The following MTCL3 variants were observed in gnomAD, a reference collection of about 807,000 sequenced individuals.
MTCL3 encodes the protein microtubule cross-linking factor 3.
the MTCL3 span, among the ~76,000 whole-genome samples, chr6:127,477,149 A>C: frequency 6.6e-6 from 1 of 152,344 alleles, no homozygotes; most frequent in South Asian, 2.1e-4. Context: ...AAGTCAGCAA[A>C]GTTTGACATT....
chr6:127,513,136 C>A, the MTCL3 span: 1 of 1,234,230 alleles, frequency 8.1e-7, no homozygotes, highest in Non-Finnish European at 1.1e-6. Context: ...AGCATTAAAA[C>A]CCAATATTTA....
At chr6:127,478,645 C>T in the MTCL3 span, among the ~76,000 whole-genome samples, 1 of 152,004 alleles carries the variant, frequency 6.6e-6, no homozygotes, top group Non-Finnish European at 1.5e-5. Flanking sequence ...GAAGTGAGGA[C>T]GTGTGGATGA....
At chr6:127,474,813 A>T in the MTCL3 span, among the ~76,000 whole-genome samples, 3 of 152,128 alleles carry the variant, frequency 2.0e-5, no homozygotes, top group Admixed American at 6.6e-5. Context: ...TCCTGAGCTC[A>T]AGCAATCCAC....
chr6:127,477,395 T>C, the MTCL3 span, among the ~76,000 whole-genome samples: 1 of 152,242 alleles, frequency 6.6e-6, no homozygotes, highest in African/African-American at 2.4e-5. Context: ...CATGTTATTA[T>C]GTCTAAGGTC....
At chr6:127,476,417 C>T in the MTCL3 span, 1 of 1,611,268 alleles carries the variant, frequency 6.2e-7, no homozygotes, top group Non-Finnish European at 8.5e-7. The surrounding 1 kb of genome is among the most constrained non-coding windows in gnomAD (Gnocchi z 4.4). Context: ...CTCATCAAAG[C>T]GGCTTCTTCC....
At chr6:127,506,569 T>A in the MTCL3 span, among the ~76,000 whole-genome samples, 184 of 152,238 alleles carry the variant, frequency 1.2e-3, no homozygotes, top group Non-Finnish European at 2.2e-3. Flanking sequence ...CCATTTCAAA[T>A]TCCCCCTCCC....
At chr6:127,475,626 C>A in the MTCL3 span, 1 of 1,598,980 alleles carries the variant, frequency 6.3e-7, no homozygotes, top group Non-Finnish European at 8.5e-7. This position sits in a 1 kb window ranked among gnomAD's most constrained non-coding sequence, Gnocchi z 7.3. Context: ...GCCCGGGCGC[C>A]GGGTAGAAGG....
At chr6:127,507,200 A>T in the MTCL3 span, among the ~76,000 whole-genome samples, 2 of 152,328 alleles carry the variant, frequency 1.3e-5, no homozygotes, top group African/African-American at 4.8e-5. Flanking sequence ...TTAGATGGGA[A>T]CTGGGAATGT....
chr6:127,507,836 ATG>A, the MTCL3 span, among the ~76,000 whole-genome samples: 2 of 111,966 alleles, frequency 1.8e-5, no homozygotes, highest in African/African-American at 3.5e-5. Flanking sequence ...GAGCAAGACT[ATG>A]TCTCAAAAAA....
chr6:127,505,039 A>G, the MTCL3 span, among the ~76,000 whole-genome samples: 1 of 152,218 alleles, frequency 6.6e-6, no homozygotes, highest in Non-Finnish European at 1.5e-5. Flanking sequence ...ACTGGAATAG[A>G]TGATGAATTC....
the MTCL3 span, among the ~76,000 whole-genome samples, chr6:127,498,351 A>C: frequency 6.6e-6 from 1 of 152,318 alleles, no homozygotes; most frequent in East Asian, 1.9e-4. Flanking sequence ...ACTCAACATC[A>C]TTAGGGAAAC....
At chr6:127,491,544 A>G in the MTCL3 span, among the ~76,000 whole-genome samples, 1 of 152,214 alleles carries the variant, frequency 6.6e-6, no homozygotes, top group Non-Finnish European at 1.5e-5. Flanking sequence ...AGACTACAGT[A>G]TAGTATAAAC....
the MTCL3 span, among the ~76,000 whole-genome samples, chr6:127,477,883 CAGTCT>C: frequency 6.6e-6 from 1 of 152,104 alleles, no homozygotes; most frequent in African/African-American, 2.4e-5. Context: ...TGACAGAGCA[CAGTCT>C]ATATTCTGGC....
At chr6:127,474,629 G>C in the MTCL3 span, among the ~76,000 whole-genome samples, 12 of 152,164 alleles carry the variant, frequency 7.9e-5, no homozygotes, top group African/African-American at 2.7e-4. Flanking sequence ...CCAGGCTGGA[G>C]TGCAGTAGTG....
chr6:127,516,261 G>A, the MTCL3 span: 15 of 1,472,948 alleles, frequency 1.0e-5, no homozygotes, highest in Non-Finnish European at 1.3e-5. Context: ...CCACAGGCTG[G>A]ACAGCTCCCG....
the MTCL3 span, among the ~76,000 whole-genome samples, chr6:127,511,255 C>T: frequency 0.8 from 122,332 of 152,148 alleles, 49,389 homozygotes; most frequent in Admixed American, 0.83. Context: ...GATAATACAT[C>T]TTTTTGCTGT....
At chr6:127,488,887 A>C in the MTCL3 span, among the ~76,000 whole-genome samples, 5 of 152,220 alleles carry the variant, frequency 3.3e-5, no homozygotes, top group African/African-American at 1.2e-4. Flanking sequence ...TGATACAGTA[A>C]AAACCACTAT....
the MTCL3 span, chr6:127,515,935 G>A: frequency 6.2e-7 from 1 of 1,609,894 alleles, no homozygotes; most frequent in South Asian, 1.1e-5. This position sits in a 1 kb window ranked among gnomAD's most constrained non-coding sequence, Gnocchi z 4.3. Flanking sequence ...GCCGGTTCCT[G>A]GGGTTTTGCC....
chr6:127,501,602 T>C, the MTCL3 span, among the ~76,000 whole-genome samples: 913 of 152,324 alleles, frequency 6.0e-3, 14 homozygotes, highest in African/African-American at 0.021. Context: ...ATTAATTGGC[T>C]ACACAAATTT....
Sources: gnomAD v4.1 joint callset for allele counts (sites outside exome capture counted in the v4.1 genomes callset) on GRCh38, gnomAD v4.1.1 for gene constraint, Gnocchi (gnomAD v3.1) non-coding constraint, MANE v1.5 for transcripts, NCBI Gene and HGNC (gene_info 2026-07-23, HGNC 2026-07-21) for gene names.